AP3B1: variants seen among roughly 807,000 people sequenced by gnomAD.
AP3B1 encodes the protein adaptor related protein complex 3 subunit beta 1.
In AP3B1, 61 loss-of-function variants were observed where a neutral mutation model predicts 132.5. The ratio of observed to expected loss-of-function variants is 0.46; its 90% CI spans 0.37 to 0.57. AP3B1 has a LOEUF of 0.57. AP3B1 is among the 20% of genes least tolerant of loss of function. The pLI is 0.00. For synonymous variants in AP3B1, 388 were observed against 438.3 expected (o/e 0.89, Z 1.43); for missense variants, 1,120 against 1,289.4 (o/e 0.87, Z 2.01).
chr5:78,042,544 A>T, intron 22 of AP3B1: 1 of 163,938 alleles, frequency 6.1e-6, no homozygotes, highest in Non-Finnish European at 1.4e-5. Context: ...CCCAAGCTTT[A>T]GATTTTTAGA....
intron 7 of AP3B1, among the ~76,000 whole-genome samples, chr5:78,193,770 A>ATATATATATATTTTT: frequency 2.2e-4 from 15 of 67,210 alleles, no homozygotes; most frequent in East Asian, 2.0e-3. Context: ...ATATATATAT[A>ATATATATATATTTTT]TTTTTTTTTT....
At chr5:78,218,509 A>G (rs1746050196) in intron 6 of AP3B1, among the ~76,000 whole-genome samples, 2 of 152,122 alleles carry the variant, frequency 1.3e-5, no homozygotes, top group African/African-American at 4.8e-5. Context: ...AACTTCAGCC[A>G]TTAGCTGTGC....
At chr5:78,013,138 GGGCTCA>G (rs1169876010) in intron 26 of AP3B1, among the ~76,000 whole-genome samples, 2 of 152,016 alleles carry the variant, frequency 1.3e-5, no homozygotes, top group African/African-American at 2.4e-5. Flanking sequence ...TGACCTCCAT[GGGCTCA>G]GGCGATCCTC....
At chr5:78,127,643 G>C (rs1752516740) in intron 17 of AP3B1, among the ~76,000 whole-genome samples, 1 of 152,148 alleles carries the variant, frequency 6.6e-6, no homozygotes, top group South Asian at 2.1e-4. Flanking sequence ...TTTTCTGAAA[G>C]AGAACAGCAG....
rs960194590 is a variant in AP3B1 at position 78,181,575 on chromosome 5, T to C, written c.874A>G (p.Thr292Ala). ...AAGAGTCTATGATCTGGATCCATAG[T>C]ATACGGCTTCTTCTTTTTGTCAGTC... ...EKTDKKKKPYTMDPDHRLLIR... is the reference protein window; with the variant it reads ...EKTDKKKKPYAMDPDHRLLIR... The change falls in exon 8 of 27, where the codon ACT (threonine) becomes GCT (alanine). Residue 292 changes from threonine (T) to alanine (A), a missense_variant. Thr to Ala is a moderately conservative substitution (Grantham distance 58). This residue lies in a region of AP3B1 where 906 missense variants were observed against 997.1 expected (regional missense o/e 0.91). Transcript: ENST00000255194. The C allele has an allele frequency of 3.7e-6, 6 of 1,612,818 alleles. No homozygotes were observed. Among genetic ancestry groups the C allele is most frequent in the Non-Finnish European group, 5.1e-6 (6 of 1,179,332 alleles).
intron 22 of AP3B1, among the ~76,000 whole-genome samples, chr5:78,052,594 G>T (rs1467489948): frequency 1.3e-5 from 2 of 152,146 alleles, no homozygotes; most frequent in Non-Finnish European, 2.9e-5. Context: ...GGGTTGAGTG[G>T]TTGTGGCCTG....
rs191466286 is a variant in AP3B1, at chr5:78,259,257, A to G, written c.204+8263T>C. The stretch of plus-strand genomic sequence containing the variant: ...GCAAGACTCCATCTCAAAAAAAAAA[A>G]AAAGAAAGAAAGAAAGACAAACATT... On this transcript the variant is annotated intron_variant, in intron 2 of 26. Transcript: ENST00000255194. Among the ~76,000 whole-genome samples the G allele has an allele frequency of 5.9e-5, 9 of 151,866 alleles. No individual in the cohort carries two copies. In the East Asian group the frequency reaches 1.2e-3, roughly 20 times the overall value.
intron 1 of AP3B1, 75 bp downstream of exon 1, chr5:78,294,377 G>A: frequency 6.2e-7 from 1 of 1,607,254 alleles, no homozygotes. Context: ...TCTCCAGGAA[G>A]CCCACCCTGG....
chr5:78,227,850 T>C lies in AP3B1; in HGVS notation c.375+294A>G, dbSNP rs143830174. Among the ~76,000 whole-genome samples the C allele has an allele frequency of 1.9e-3, 285 of 152,348 alleles. 1 individual carries two copies. Among genetic ancestry groups the C allele is most frequent in the African/African-American group, 6.6e-3 (273 of 41,590 alleles). Reference sequence around the variant, plus strand: ...CAATTTCATGTTTAAAAATGTCTTATAACCCCTTTTGCGTACTTTCAACAA... The same window carrying C: ...CAATTTCATGTTTAAAAATGTCTTACAACCCCTTTTGCGTACTTTCAACAA... On this transcript the variant is annotated intron_variant, in intron 4 of 26. Transcript: ENST00000255194.
chr5:78,053,751 G>T (rs564109721), intron 22 of AP3B1, among the ~76,000 whole-genome samples: 1 of 150,934 alleles, frequency 6.6e-6, no homozygotes, highest in South Asian at 2.1e-4. Flanking sequence ...TGTCCCTTCC[G>T]ATCTTTTGCT....
intron 7 of AP3B1, among the ~76,000 whole-genome samples, chr5:78,209,413 C>T (rs983523317): frequency 1.1e-4 from 17 of 152,126 alleles, no homozygotes; most frequent in African/African-American, 1.9e-4. Flanking sequence ...CAGACATTTC[C>T]GTTCTATTGA....
intron 20 of AP3B1, among the ~76,000 whole-genome samples, chr5:78,108,832 T>C (rs928074438): frequency 2.6e-5 from 4 of 152,146 alleles, no homozygotes; most frequent in African/African-American, 7.2e-5. Context: ...GGCTTTTTAA[T>C]GGGATCCTAA....
In AP3B1 at chr5:78,181,642, A is replaced by T; in HGVS notation, c.807T>A (p.Asn269Lys). The T allele has an allele frequency of 6.2e-7, 1 of 1,611,982 alleles. No individual in the cohort carries two copies. Among genetic ancestry groups the T allele is most frequent in the Non-Finnish European group, 8.5e-7 (1 of 1,179,384 alleles). ...PWKEGDELEDNGKNFYESDDD... is the reference protein window; with the variant it reads ...PWKEGDELEDKGKNFYESDDD... Reference sequence around the variant, plus strand: ...CATCAGATTCGTAGAAATTCTTTCCATTGTCTTCTAATTCATCACCCTACA... The same window carrying T: ...CATCAGATTCGTAGAAATTCTTTCCTTTGTCTTCTAATTCATCACCCTACA... Residue 269 changes from asparagine to lysine, a missense_variant, in exon 8 of 27, where the codon AAT (asparagine) becomes AAA (lysine). Around this residue, in one of 3 missense-constraint regions of AP3B1, gnomAD observed 906 missense variants for 997.1 expected, o/e 0.91. Coordinates refer to ENST00000255194, the MANE Select transcript of AP3B1 (RefSeq NM_003664.5).
chr5:78,292,254 CAA>C (rs1349909504), intron 1 of AP3B1, among the ~76,000 whole-genome samples: 3 of 152,172 alleles, frequency 2.0e-5, no homozygotes, highest in Non-Finnish European at 2.9e-5. Context: ...AATGTGGACT[CAA>C]GAGAGATTTA....
chr5:78,285,904 T>C (rs1749261223), intron 1 of AP3B1, among the ~76,000 whole-genome samples: 2 of 152,194 alleles, frequency 1.3e-5, no homozygotes, highest in Non-Finnish European at 2.9e-5. Flanking sequence ...ATTACTGTAA[T>C]AGTCTCCTTG....
intron 15 of AP3B1, among the ~76,000 whole-genome samples, chr5:78,137,118 G>C (rs1049535466): frequency 2.0e-5 from 3 of 152,064 alleles, no homozygotes; most frequent in Non-Finnish European, 4.4e-5. Flanking sequence ...GAGTAATTTT[G>C]GATATACAAG....
At chr5:78,060,098 G>A (rs1184322024) in intron 22 of AP3B1, among the ~76,000 whole-genome samples, 1 of 152,116 alleles carries the variant, frequency 6.6e-6, no homozygotes, top group Non-Finnish European at 1.5e-5. Context: ...AAAAAGAATG[G>A]AAATCCTGAA....
intron 23 of AP3B1, among the ~76,000 whole-genome samples, chr5:78,035,336 A>C (rs1041288749): frequency 6.6e-6 from 1 of 152,016 alleles, no homozygotes; most frequent in African/African-American, 2.4e-5. Context: ...AGTATTCTGT[A>C]TAATTGCAGC....
intron 11 of AP3B1, among the ~76,000 whole-genome samples, chr5:78,173,128 G>A (rs540236459): frequency 5.9e-5 from 9 of 152,340 alleles, no homozygotes; most frequent in African/African-American, 2.2e-4. Context: ...GTGAGAGTTT[G>A]TTGTGATTTC....
Sources: allele counts gnomAD v4.1 joint callset (sites outside exome capture counted in the v4.1 genomes callset), GRCh38; gene constraint gnomAD v4.1.1; regional missense constraint gnomAD v4.1.1; transcripts MANE v1.5; gene names NCBI Gene and HGNC (gene_info 2026-07-23, HGNC 2026-07-21).